PDPK1: variants seen among roughly 807,000 people sequenced by gnomAD.
PDPK1 encodes the protein 3-phosphoinositide dependent protein kinase 1.
A neutral mutation model predicts 39.8 loss-of-function variants in PDPK1; 7 were observed. The observed-to-expected ratio is 0.18, with a 90% CI of 0.10 to 0.33. The LOEUF is 0.33. PDPK1 is among the 10% of genes least tolerant of loss of function. PDPK1 has a pLI of 1.00. For synonymous variants in PDPK1, 118 were observed against 159.1 expected, an observed-to-expected ratio of 0.74 and a Z score of 1.95; for missense variants, 182 against 384.7, an observed-to-expected ratio of 0.47 and a Z score of 4.41.
chr16:2,577,183 C>T (rs1225737451), intron 6 of PDPK1: 3 of 583,892 alleles, frequency 5.1e-6, no homozygotes, highest in Non-Finnish European at 6.2e-6. Context: ...GCAGAATGTG[C>T]TGGCCGTTTG....
At chr16:2,551,500 G>A (rs1031290582) in intron 1 of PDPK1, among the ~76,000 whole-genome samples, 80 of 150,514 alleles carry the variant, frequency 5.3e-4, no homozygotes, top group African/African-American at 1.5e-3. Context: ...GAGAGTGTGC[G>A]GGCGCTGGCT....
At chr16:2,595,164 C>T (rs1015273895) in intron 11 of PDPK1, among the ~76,000 whole-genome samples, 2 of 152,216 alleles carry the variant, frequency 1.3e-5, no homozygotes, top group South Asian at 2.1e-4. Context: ...TCAAAAGTGA[C>T]GTGTGCTTGC....
chr16:2,544,056 G>T (rs1439162758), intron 1 of PDPK1, among the ~76,000 whole-genome samples: 4 of 152,036 alleles, frequency 2.6e-5, no homozygotes, highest in Non-Finnish European at 4.4e-5. Flanking sequence ...ATTCTTTAGG[G>T]AATCATGACA....
intron 11 of PDPK1, 133 bp downstream of exon 11, chr16:2,587,026 T>A: frequency 1.3e-6 from 1 of 781,940 alleles, no homozygotes; most frequent in South Asian, 1.6e-5. Flanking sequence ...GAGCACATCG[T>A]AAGTGCACAG....
In PDPK1 at chr16:2,557,997, C is replaced by T. The variant is rs371521775; in HGVS notation, c.285+34C>T. 121 of 1,607,534 alleles carry T rather than the reference C, an allele frequency of 7.5e-5. No individual in the cohort carries two copies. In the African/African-American group the frequency reaches 9.5e-4, roughly 13 times the overall value. Reference sequence around the variant, plus strand: ...TTGCTGCTGCTGTGTGTCAAACGTACGTGATTTCCTTGGGGAGGCTCACCT... The same window carrying T: ...TTGCTGCTGCTGTGTGTCAAACGTATGTGATTTCCTTGGGGAGGCTCACCT... On this transcript the variant is annotated intron_variant, in intron 2 of 13. Coordinates refer to ENST00000342085, the MANE Select transcript of PDPK1 (RefSeq NM_002613.5).
At chr16:2,544,511 T>C (rs969100101) in intron 1 of PDPK1, among the ~76,000 whole-genome samples, 3 of 152,348 alleles carry the variant, frequency 2.0e-5, no homozygotes, top group African/African-American at 4.8e-5. Context: ...TGAATATCCC[T>C]AGCCTTTTCA....
intron 11 of PDPK1, among the ~76,000 whole-genome samples, chr16:2,590,506 G>A (rs1030392916): frequency 1.3e-5 from 2 of 151,492 alleles, no homozygotes; most frequent in African/African-American, 2.5e-5. Flanking sequence ...CAATTCTGCC[G>A]CAAACATGAG....
At chr16:2,546,793 C>G (rs1306832540) in intron 1 of PDPK1, among the ~76,000 whole-genome samples, 4 of 152,088 alleles carry the variant, frequency 2.6e-5, no homozygotes, top group Non-Finnish European at 5.9e-5. Flanking sequence ...GGGACGTGTG[C>G]TCTGTGGGTG....
intron 1 of PDPK1, among the ~76,000 whole-genome samples, chr16:2,542,554 G>C (rs2066264040): frequency 1.3e-5 from 2 of 152,148 alleles, no homozygotes; most frequent in South Asian, 4.1e-4. Context: ...GGACAAGCCT[G>C]ACATTAGCAG....
At chr16:2,540,869 C>T (rs1282199426) in intron 1 of PDPK1, among the ~76,000 whole-genome samples, 1 of 152,216 alleles carries the variant, frequency 6.6e-6, no homozygotes, top group African/African-American at 2.4e-5. Context: ...GAGTGGCCTC[C>T]TGCCCTCCCT....
At chr16:2,546,544 G>C (rs1227600827) in intron 1 of PDPK1, among the ~76,000 whole-genome samples, 1 of 152,194 alleles carries the variant, frequency 6.6e-6, no homozygotes, top group Non-Finnish European at 1.5e-5. Flanking sequence ...ATGTTGGCCA[G>C]GCTGGTCTTG....
intron 11 of PDPK1, among the ~76,000 whole-genome samples, chr16:2,589,042 G>C (rs1380241868): frequency 6.6e-6 from 1 of 152,078 alleles, no homozygotes; most frequent in African/African-American, 2.4e-5. Flanking sequence ...CACAACCTCC[G>C]CCTCCTGGGT....
chr16:2,551,659 C>CTTT (rs1174322765), intron 1 of PDPK1, among the ~76,000 whole-genome samples: 6 of 132,940 alleles, frequency 4.5e-5, no homozygotes, highest in Non-Finnish European at 4.8e-5. Context: ...TGATTTCCAT[C>CTTT]TTTTTTTTTT....
At chr16:2,543,979 C>T (rs1390306869) in intron 1 of PDPK1, among the ~76,000 whole-genome samples, 1 of 151,624 alleles carries the variant, frequency 6.6e-6, no homozygotes, top group African/African-American at 2.4e-5. Flanking sequence ...AGGTGATCCG[C>T]CCACCTCGGC....
intron 11 of PDPK1, among the ~76,000 whole-genome samples, chr16:2,590,805 TTGTTTA>T: frequency 6.6e-6 from 1 of 152,270 alleles, no homozygotes; most frequent in East Asian, 1.9e-4. Context: ...GTTTTTTTGT[TTGTTTA>T]TATTATTTTT....
rs1489552909 is a variant in PDPK1, at chr16:2,593,924, G to C, written c.1344-1869G>C. The C allele has an allele frequency of 6.6e-6, 1 of 152,334 alleles. No individual in the cohort carries two copies. The highest frequency in any genetic ancestry group is 6.5e-5 in the Admixed American group (1 of 15,294). The allele number at this position is 152,334 out of a possible 1,614,324, so 9.4% of individuals were successfully genotyped here. A position where few individuals can be genotyped will look rare whatever the true frequency, so the allele number is the denominator to read the frequency against. On this transcript the variant is annotated intron_variant, in intron 11 of 13. Coordinates refer to ENST00000342085, the MANE Select transcript of PDPK1 (RefSeq NM_002613.5). This position sits in a 1 kb window ranked among gnomAD's most constrained non-coding sequence, Gnocchi z 4.2. ...CTCTTTGTTTTAATACCCACATTGT[G>C]TGTGTTTGCAGGCGAAGTCCCTGGT...
At chr16:2,590,124 T>A (rs1458274076) in intron 11 of PDPK1, among the ~76,000 whole-genome samples, 4 of 152,132 alleles carry the variant, frequency 2.6e-5, no homozygotes, top group Admixed American at 1.3e-4. Context: ...TCACGGATGA[T>A]GTTCTTTTTT....
In PDPK1 at chr16:2,594,405, G is replaced by A. The variant is rs139057708; in HGVS notation, c.1344-1388G>A. On this transcript the variant is annotated intron_variant, in intron 11 of 13. Coordinates refer to ENST00000342085, the MANE Select transcript of PDPK1 (RefSeq NM_002613.5). ...TAAAAATACAAAAAATTAGCTGGGC[G>A]TGGTGGTGCGCACCTGTAGTCCCAG... The A allele has an allele frequency of 7.6e-3, 1,163 of 152,034 alleles. 12 individuals carry two copies. The highest frequency in any genetic ancestry group is 0.012 in the Admixed American group (184 of 15,270). The allele number at this position is 152,034 out of a possible 1,614,324, so 9.4% of individuals were successfully genotyped here.
At chr16:2,584,867 C>T (rs1215791492) in intron 10 of PDPK1, among the ~76,000 whole-genome samples, 6 of 152,210 alleles carry the variant, frequency 3.9e-5, no homozygotes, top group African/African-American at 1.4e-4. Context: ...ATGCAGAGGC[C>T]TGGGAGCCTC....
Sources: gnomAD v4.1 joint callset for allele counts (sites outside exome capture counted in the v4.1 genomes callset) on GRCh38, gnomAD v4.1.1 for gene constraint, Gnocchi (gnomAD v3.1) non-coding constraint, MANE v1.5 for transcripts, NCBI Gene and HGNC (gene_info 2026-07-23, HGNC 2026-07-21) for gene names.